The following RRP1 variants were observed in gnomAD, a reference collection of about 807,000 sequenced individuals.
RRP1 encodes the protein ribosomal RNA processing 1, also known as ribosomal RNA processing protein 1 homolog A.
A neutral mutation model predicts 54.6 loss-of-function variants in RRP1; 37 were observed. The ratio of observed to expected loss-of-function variants is 0.68; its 90% confidence interval spans 0.52 to 0.89. The LOEUF (loss-of-function observed/expected upper bound fraction) is 0.89. Ranked by LOEUF, RRP1 falls within the 40% of genes least tolerant of loss-of-function variation. RRP1 has a pLI of 0.00. For missense variants in RRP1, 639 were observed against 612.5 expected (o/e 1.04, Z -0.46); for synonymous variants, 262 against 244.3 (o/e 1.07, Z -0.67).
Position 43,803,860 on chromosome 21 carries a change from C to T in RRP1, c.*86C>T. ...GGCTGACCGGGCTGTTCTGTAGACT[C>T]AGGACCGTGGCTCCAGAACTCCTGT... On this transcript the variant is annotated 3_prime_UTR_variant, in exon 13 of 13. Coordinates refer to ENST00000497547, the MANE Select transcript of RRP1 (RefSeq NM_003683.6). 2 of 1,430,098 alleles carry T rather than the reference C, an allele frequency of 1.4e-6. No individual in the cohort carries two copies. The highest frequency in any genetic ancestry group is 1.9e-6 in the Non-Finnish European group (2 of 1,079,184). 88.6% of individuals were successfully genotyped at this position (1,430,098 alleles called of 1,614,324 possible). A position where few individuals can be genotyped will look rare whatever the true frequency, so the allele number is the denominator to read the frequency against.
At chr21:43,795,070 C>A in intron 4 of RRP1, 119 bp from the exon 5 acceptor site, 1 of 932,220 alleles carries the variant, frequency 1.1e-6, no homozygotes, top group East Asian at 2.4e-5. Flanking sequence ...TGTGCTGGGG[C>A]CGGCAGAGGT....
intron 5 of RRP1, among the ~76,000 whole-genome samples, chr21:43,795,824 A>G (rs755298643): frequency 1.3e-5 from 2 of 152,162 alleles, no homozygotes; most frequent in Admixed American, 6.5e-5. Context: ...GTTGTAAGCA[A>G]TGTTAATTGC....
chr21:43,794,595 G>A (rs1015008891), intron 4 of RRP1, among the ~76,000 whole-genome samples: 9 of 152,330 alleles, frequency 5.9e-5, no homozygotes, highest in Admixed American at 5.9e-4. Context: ...CCCACTCTGG[G>A]CGTGTGGGCA....
chr21:43,792,162 G>T (rs2084966882), intron 2 of RRP1, among the ~76,000 whole-genome samples: 1 of 152,170 alleles, frequency 6.6e-6, no homozygotes, highest in African/African-American at 2.4e-5. Context: ...TTAAGTTCAG[G>T]TTCCTGGGCC....
At chr21:43,790,914 A>T (rs1025153567) in intron 1 of RRP1, 13 of 444,930 alleles carry the variant, frequency 2.9e-5, no homozygotes, top group African/African-American at 1.8e-4. Context: ...TTTCTCTCGT[A>T]GTCTGAATGC....
At chr21:43,801,759 G>A (rs2085094447) in intron 11 of RRP1, among the ~76,000 whole-genome samples, 1 of 152,220 alleles carries the variant, frequency 6.6e-6, no homozygotes, top group South Asian at 2.1e-4. Flanking sequence ...AGGTTTTGAT[G>A]CAGAAAGTTG....
chr21:43,803,744 G>C lies in RRP1; in HGVS notation c.1356G>C (p.Glu452Asp). The change falls in exon 13 of 13, where the codon GAG becomes GAC. Residue 452 changes from glutamate to aspartate, a missense_variant. Physicochemically the swap from Glu to Asp is conservative, Grantham distance 45. Transcript: ENST00000497547. ...GAGCAAAGGCGGCCAATGTCCAGGA[G>C]CCGGAGAAGAAGAAGAAACGCAGGG... Reference protein sequence around the residue: ...SARAKAANVQEPEKKKKRRE With the variant: ...SARAKAANVQDPEKKKKRRE 3.2e-6 allele frequency: 5 copies of C among 1,578,116 alleles called. No homozygotes were observed. The highest frequency in any genetic ancestry group is 2.6e-6 in the Non-Finnish European group (3 of 1,160,632).
rs988523440 is a variant in RRP1 at position 43,804,674 on chromosome 21, T to G, written c.*900T>G. ...GTTGGGTTTTGCCCGCATCTTCTGT[T>G]CCATGGGTGCCCAGCCAGCCAGGCC... On this transcript the variant is annotated 3_prime_UTR_variant, in exon 13 of 13. Transcript: ENST00000497547. This position sits in a 1 kb window ranked among gnomAD's most constrained non-coding sequence, Gnocchi z 4.3. 2.0e-5 allele frequency: 3 copies of G among 152,414 alleles called. No individual in the cohort carries two copies. Among genetic ancestry groups the G allele is most frequent in the Admixed American group, 2.0e-4 (3 of 15,282 alleles). 9.4% of individuals were successfully genotyped at this position (152,414 alleles called of 1,614,324 possible). A position where few individuals can be genotyped will look rare whatever the true frequency, so the allele number is the denominator to read the frequency against.
chr21:43,792,202 G>C (rs143228986), intron 2 of RRP1, among the ~76,000 whole-genome samples: 1 of 152,210 alleles, frequency 6.6e-6, no homozygotes, highest in Non-Finnish European at 1.5e-5. Context: ...TTATCAAGGG[G>C]AGGCTGTGAA....
In RRP1 at chr21:43,804,613, T is replaced by G. The variant is rs2085126622; in HGVS notation, c.*839T>G. 6.6e-6 allele frequency: 1 copy of G among 152,294 alleles called. No homozygotes were observed. Among genetic ancestry groups the G allele is most frequent in the Non-Finnish European group, 1.5e-5 (1 of 68,080 alleles). The allele number at this position is 152,294 out of a possible 1,614,324, so 9.4% of individuals were successfully genotyped here. On this transcript the variant is annotated 3_prime_UTR_variant, in exon 13 of 13. Transcript: ENST00000497547. This position sits in a 1 kb window ranked among gnomAD's most constrained non-coding sequence, Gnocchi z 4.3. ...AAGGGCCTGTCTGCCGCCAGCGCTG[T>G]GGCCACAGCCTGCATAGGTGACAAG...
At chr21:43,791,494 G>A in intron 2 of RRP1, 62 bp downstream of exon 2, 1 of 1,470,396 alleles carries the variant, frequency 6.8e-7, no homozygotes, top group Non-Finnish European at 9.5e-7. Context: ...TGGGCATCTG[G>A]TCAACCCAGT....
chr21:43,800,718 C>A, intron 10 of RRP1, 104 bp downstream of exon 10: 2 of 1,506,444 alleles, frequency 1.3e-6, no homozygotes, highest in Non-Finnish European at 1.8e-6. Flanking sequence ...CCGCAGCCCC[C>A]GGGGTGATCC....
At chr21:43,802,774 C>T (rs1255739849) in intron 12 of RRP1, among the ~76,000 whole-genome samples, 1 of 152,252 alleles carries the variant, frequency 6.6e-6, no homozygotes. Context: ...CCCTCCACTT[C>T]TTCCCTCCAC....
At chr21:43,793,477 G>A in intron 4 of RRP1, 73 bp downstream of exon 4, 2 of 1,350,630 alleles carry the variant, frequency 1.5e-6, no homozygotes, top group Non-Finnish European at 2.1e-6. Context: ...GAGACAGGCG[G>A]CACCTGGGCA....
intron 5 of RRP1, 182 bp from the exon 6 acceptor site, chr21:43,797,240 C>T: frequency 2.0e-6 from 2 of 991,170 alleles, no homozygotes; most frequent in Non-Finnish European, 1.4e-6. Flanking sequence ...CTGCCTTGCG[C>T]TGGAGGAGAC....
At chr21:43,799,756 C>T in intron 9 of RRP1, 107 bp downstream of exon 9, 1 of 1,076,760 alleles carries the variant, frequency 9.3e-7, no homozygotes, top group Non-Finnish European at 1.4e-6. Flanking sequence ...CAGCTGTTGG[C>T]ATGGAGAGTT....
At chr21:43,792,750 T>C in intron 3 of RRP1, 21 bp downstream of exon 3, 4 of 1,613,244 alleles carry the variant, frequency 2.5e-6, no homozygotes, top group Non-Finnish European at 3.4e-6. Context: ...TCTGCTGTAG[T>C]TGGGTGCATT....
At chr21:43,791,485 G>A (rs2084958115) in intron 2 of RRP1, 53 bp downstream of exon 2, 1 of 1,526,848 alleles carries the variant, frequency 6.5e-7, no homozygotes, top group Non-Finnish European at 9.1e-7. Context: ...GAGGATGGAT[G>A]GGCATCTGGT....
chr21:43,790,158 A>T (rs1476518781), intron 1 of RRP1, among the ~76,000 whole-genome samples: 2 of 151,866 alleles, frequency 1.3e-5, no homozygotes, highest in East Asian at 3.9e-4. Flanking sequence ...TCCGATTTCC[A>T]CTCGAGAGTA....
Sources: gnomAD v4.1 joint callset for allele counts (sites outside exome capture counted in the v4.1 genomes callset) on GRCh38, gnomAD v4.1.1 for gene constraint, Gnocchi (gnomAD v3.1) non-coding constraint, MANE v1.5 for transcripts, NCBI Gene and HGNC (gene_info 2026-07-23, HGNC 2026-07-21) for gene names.